CPNE2: variants seen among roughly 807,000 people sequenced by gnomAD.
CPNE2 encodes the protein copine-2.
Under a neutral mutation model 69.7 loss-of-function variants are expected in CPNE2, and 42 were observed. That is an observed-to-expected ratio of 0.60 (90% CI 0.47 to 0.78). The LOEUF (loss-of-function observed/expected upper bound fraction) is 0.78, where lower values mean the gene tolerates loss of function less well. Among genes scored for constraint, CPNE2 ranks in the 30% least tolerant of loss-of-function variants. The pLI is 0.00. For missense variants in CPNE2, 587 were observed against 732.0 expected (o/e 0.80, Z 2.29); for synonymous variants, 294 against 289.8 (o/e 1.01, Z -0.15).
At chr16:57,120,930 T>C (rs1200670303) in intron 7 of CPNE2, among the ~76,000 whole-genome samples, 163 bp from the exon 8 acceptor site, 1 of 152,138 alleles carries the variant, frequency 6.6e-6, no homozygotes, top group East Asian at 1.9e-4. Flanking sequence ...CACAGAAGTC[T>C]TCCTGCAGGA....
chr16:57,111,536 G>A (rs1471595734), intron 2 of CPNE2, among the ~76,000 whole-genome samples: 6 of 152,102 alleles, frequency 3.9e-5, no homozygotes, highest in African/African-American at 9.7e-5. Flanking sequence ...GTTTGCTTCC[G>A]CTTTTAAATA....
intron 12 of CPNE2, among the ~76,000 whole-genome samples, chr16:57,128,857 GT>G (rs1167333930): frequency 8.5e-5 from 13 of 152,160 alleles, no homozygotes; most frequent in Admixed American, 3.3e-4. Context: ...AGAACATGCA[GT>G]TTTTTGTTTT....
chr16:57,110,224 C>CTTTTTTTTTTTT (rs145923720), intron 1 of CPNE2, among the ~76,000 whole-genome samples: 1 of 119,060 alleles, frequency 8.4e-6, no homozygotes, highest in African/African-American at 3.1e-5. Flanking sequence ...CTTTTCTTTT[C>CTTTTTTTTTTTT]TTTTTTTTTT....
At chr16:57,128,217 ATG>A (rs2069814146) in intron 12 of CPNE2, among the ~76,000 whole-genome samples, 1 of 152,086 alleles carries the variant, frequency 6.6e-6, no homozygotes, top group African/African-American at 2.4e-5. Context: ...GTTTATTTTT[ATG>A]TGTTTATTTT....
chr16:57,113,593 G>A (rs545292706), intron 3 of CPNE2, 126 bp downstream of exon 3: 117 of 983,558 alleles, frequency 1.2e-4, no homozygotes, highest in Middle Eastern at 8.5e-4. Flanking sequence ...CAGATGCAGA[G>A]TGGGGAACAG....
chr16:57,100,108 A>G (rs1406340366), intron 1 of CPNE2, among the ~76,000 whole-genome samples: 2 of 151,798 alleles, frequency 1.3e-5, no homozygotes, highest in Non-Finnish European at 1.5e-5. Context: ...GGGGTTTCAC[A>G]ATGTTGGCTG....
chr16:57,133,635 GC>G (rs1268338569), intron 12 of CPNE2, among the ~76,000 whole-genome samples: 1 of 152,206 alleles, frequency 6.6e-6, no homozygotes, highest in Non-Finnish European at 1.5e-5. Flanking sequence ...TCCTCCTGCA[GC>G]TGAGGACCGG....
chr16:57,144,421 GT>G (rs1411205739), intron 14 of CPNE2: 1 of 152,336 alleles, frequency 6.6e-6, no homozygotes, highest in Non-Finnish European at 1.5e-5. Context: ...CAGGGAACAA[GT>G]GGCTTTGCTG....
At chr16:57,132,866 G>T (rs1333011846) in intron 12 of CPNE2, among the ~76,000 whole-genome samples, 3 of 152,084 alleles carry the variant, frequency 2.0e-5, no homozygotes, top group African/African-American at 7.3e-5. Flanking sequence ...TGGGGCCTCT[G>T]GGGCAGATGG....
intron 4 of CPNE2, among the ~76,000 whole-genome samples, chr16:57,116,827 C>A (rs1301367959): frequency 1.3e-5 from 2 of 152,138 alleles, no homozygotes; most frequent in African/African-American, 2.4e-5. Flanking sequence ...CTGGGTGAGG[C>A]CATCCTAGAG....
chr16:57,138,868 G>T (rs1214015863), intron 14 of CPNE2, among the ~76,000 whole-genome samples: 4 of 152,224 alleles, frequency 2.6e-5, no homozygotes, highest in African/African-American at 4.8e-5. Flanking sequence ...AAGGGACCTG[G>T]TCCCATGCCT....
chr16:57,103,714 A>C (rs1002019319), intron 1 of CPNE2, among the ~76,000 whole-genome samples: 9 of 152,018 alleles, frequency 5.9e-5, no homozygotes, highest in Admixed American at 1.3e-4. Context: ...CCCCCCACCC[A>C]GCCGGCCCAG....
rs1353244050 is a variant in CPNE2, at chr16:57,130,195, A to G, written c.1116+2292A>G. On this transcript the variant is annotated intron_variant, in intron 12 of 15. Coordinates refer to ENST00000290776, the MANE Select transcript of CPNE2 (RefSeq NM_152727.6). This position sits in a 1 kb window ranked among gnomAD's most constrained non-coding sequence, Gnocchi z 4.1. ...GGAGTTCGAGACCAGCCTGGCCAAC[A>G]TGGTGAAACCCCGTCTCTACTAAAA... Among the ~76,000 whole-genome samples the G allele has an allele frequency of 6.6e-6, 1 of 152,006 alleles. No individual in the cohort carries two copies. The highest frequency in any genetic ancestry group is 1.5e-5 in the Non-Finnish European group (1 of 68,010).
intron 10 of CPNE2, chr16:57,125,242 T>G (rs1222832112): frequency 8.8e-6 from 4 of 455,500 alleles, no homozygotes; most frequent in Non-Finnish European, 1.8e-5. Flanking sequence ...CCCGAGTCCC[T>G]GTTAATAAGC....
intron 14 of CPNE2, chr16:57,142,820 T>G (rs1022619019): frequency 6.6e-6 from 1 of 152,236 alleles, no homozygotes; most frequent in East Asian, 1.9e-4. Context: ...TTCCCTAGAC[T>G]CTGCCTGGAA....
chr16:57,122,077 C>T (rs1567669428), intron 9 of CPNE2, among the ~76,000 whole-genome samples: 8 of 152,226 alleles, frequency 5.3e-5, no homozygotes, highest in Admixed American at 3.3e-4. Flanking sequence ...CTGCCGCCCA[C>T]GGTGGGCATG....
intron 14 of CPNE2, chr16:57,141,922 T>C (rs1348735849): frequency 6.6e-6 from 1 of 152,242 alleles, no homozygotes. Flanking sequence ...AATTATCCCC[T>C]GATGCTTTTG....
chr16:57,095,408 G>A (rs2069572478), intron 1 of CPNE2, among the ~76,000 whole-genome samples: 1 of 152,226 alleles, frequency 6.6e-6, no homozygotes, highest in Non-Finnish European at 1.5e-5. Flanking sequence ...CACTCCCATG[G>A]CAGAGTCAAG....
chr16:57,120,668 G>A (rs1046361698), intron 7 of CPNE2, among the ~76,000 whole-genome samples: 1 of 152,010 alleles, frequency 6.6e-6, no homozygotes, highest in Non-Finnish European at 1.5e-5. Context: ...CCCATCAGTG[G>A]GATGGGAACA....
Sources: allele counts gnomAD v4.1 joint callset (sites outside exome capture counted in the v4.1 genomes callset), GRCh38; gene constraint gnomAD v4.1.1; non-coding constraint Gnocchi (gnomAD v3.1); transcripts MANE v1.5; gene names NCBI Gene and HGNC (gene_info 2026-07-23, HGNC 2026-07-21).